Variants in SYNPO2 observed in about 807,000 individuals in gnomAD.
SYNPO2 encodes synaptopodin 2, also known as synaptopodin-2.
SYNPO2 carries 56 observed loss-of-function variants against 85.0 expected under a neutral mutation model. That is an observed-to-expected ratio of 0.66 (90% confidence interval 0.53 to 0.82). SYNPO2 has a LOEUF of 0.82. SYNPO2 is among the 40% of genes least tolerant of loss of function. SYNPO2 has a pLI of 0.00. For synonymous variants in SYNPO2, 602 were observed against 591.1 expected (o/e 1.02, Z -0.27); for missense variants, 1,575 against 1,534.2 (o/e 1.03, Z -0.44).
chr4:118,970,080 T>C (rs1735479566), intron 1 of SYNPO2, among the ~76,000 whole-genome samples: 1 of 152,228 alleles, frequency 6.6e-6, no homozygotes, highest in Non-Finnish European at 1.5e-5. Flanking sequence ...ATAATCGACA[T>C]ATATGAGCCT....
At chr4:119,033,228 G>T (rs1738360340) in intron 4 of SYNPO2, 1 of 985,294 alleles carries the variant, frequency 1.0e-6, no homozygotes, top group Admixed American at 6.1e-5. Context: ...CATCATTTCT[G>T]AGTGATCTCA....
chr4:119,000,363 C>T (rs1490056600), intron 1 of SYNPO2, among the ~76,000 whole-genome samples: 1 of 152,118 alleles, frequency 6.6e-6, no homozygotes, highest in Non-Finnish European at 1.5e-5. Flanking sequence ...TCTTTCTTTG[C>T]TTTTAATGTG....
chr4:118,966,041 T>C (rs1735305832), intron 1 of SYNPO2, among the ~76,000 whole-genome samples: 1 of 152,014 alleles, frequency 6.6e-6, no homozygotes, highest in South Asian at 2.1e-4. Context: ...GGTGACACGG[T>C]GAGACCCTGT....
chr4:118,913,564 TG>T (rs1733210844), intron 1 of SYNPO2, among the ~76,000 whole-genome samples: 1 of 16,932 alleles, frequency 5.9e-5, no homozygotes, highest in South Asian at 1.5e-3. Flanking sequence ...ATTTATTGTT[TG>T]TGTGTGTGTG....
At chr4:119,032,228 A>G in intron 4 of SYNPO2, 2 of 1,432,506 alleles carry the variant, frequency 1.4e-6, no homozygotes, top group Non-Finnish European at 1.8e-6. Flanking sequence ...AATCCAACTC[A>G]GATTGACCTA....
At chr4:119,019,912 G>T (rs1181753163) in intron 1 of SYNPO2, among the ~76,000 whole-genome samples, 1 of 152,130 alleles carries the variant, frequency 6.6e-6, no homozygotes. Context: ...GGTATCATCA[G>T]TACTAATAAT....
chr4:118,972,018 T>C (rs1401861949), intron 1 of SYNPO2, among the ~76,000 whole-genome samples: 1 of 152,260 alleles, frequency 6.6e-6, no homozygotes, highest in African/African-American at 2.4e-5. Flanking sequence ...AACAGCTTCG[T>C]AGGCTTACAT....
intron 1 of SYNPO2, among the ~76,000 whole-genome samples, chr4:118,990,877 T>C (rs1380651259): frequency 6.6e-6 from 1 of 152,126 alleles, no homozygotes; most frequent in East Asian, 1.9e-4. Context: ...CCCAAAGTGC[T>C]GGGATTACAG....
chr4:119,041,824 C>G (rs1738723987), intron 4 of SYNPO2, among the ~76,000 whole-genome samples: 1 of 152,084 alleles, frequency 6.6e-6, no homozygotes, highest in Admixed American at 6.5e-5. Context: ...AAGATTTCCC[C>G]ACCTTAGAGA....
At chr4:118,888,569 T>G (rs1198132445), upstream of SYNPO2, among the ~76,000 whole-genome samples, 2 of 152,222 alleles carry the variant, frequency 1.3e-5, no homozygotes, top group East Asian at 1.9e-4. Flanking sequence ...GCGTGGAGAT[T>G]AAACCTTCAT....
At chr4:119,002,698 T>C (rs1489991428) in intron 1 of SYNPO2, among the ~76,000 whole-genome samples, 1 of 152,180 alleles carries the variant, frequency 6.6e-6, no homozygotes, top group African/African-American at 2.4e-5. Flanking sequence ...TTGGATTCCC[T>C]ATTTCTTTGG....
Position 118,888,991 on chromosome 4 carries a change from C to T in SYNPO2, c.-46C>T, listed in dbSNP as rs187570451. The T allele has an allele frequency of 5.7e-5, 91 of 1,596,612 alleles. No homozygotes were observed. In the African/African-American group the frequency reaches 1.1e-3, roughly 19 times the overall value. On this transcript the variant is annotated 5_prime_UTR_variant, in exon 1 of 5. Coordinates refer to ENST00000307142, the MANE Select transcript of SYNPO2 (RefSeq NM_133477.3). ...CGCATCCTCTACCGCACCCAAGCTT[C>T]GTCTGTCTCGTCAAGCTCTTCATGC...
intron 4 of SYNPO2, among the ~76,000 whole-genome samples, chr4:119,045,552 T>A (rs181888558): frequency 6.6e-6 from 1 of 152,244 alleles, no homozygotes; most frequent in African/African-American, 2.4e-5. Flanking sequence ...TGTTTCTCCA[T>A]AGAAACTGAC....
chr4:118,975,665 C>G (rs1330736905), intron 1 of SYNPO2, among the ~76,000 whole-genome samples: 1 of 152,176 alleles, frequency 6.6e-6, no homozygotes, highest in Non-Finnish European at 1.5e-5. Flanking sequence ...GTAAGACACA[C>G]AGGGATATAG....
chr4:118,890,022 G>T (rs373753879), intron 1 of SYNPO2, among the ~76,000 whole-genome samples: 14 of 152,078 alleles, frequency 9.2e-5, no homozygotes, highest in Admixed American at 4.6e-4. Flanking sequence ...AAGAGCATGG[G>T]ATTAATTTCC....
intron 1 of SYNPO2, among the ~76,000 whole-genome samples, chr4:119,016,220 G>A (rs962901113): frequency 6.6e-6 from 1 of 151,990 alleles, no homozygotes; most frequent in Non-Finnish European, 1.5e-5. Flanking sequence ...TCAGGAGTTC[G>A]AGACCAGCCT....
rs762658094 is a variant in SYNPO2 at position 119,031,324 on chromosome 4, C to T, written c.2549C>T (p.Thr850Ile). 7 of 1,614,102 alleles carry T rather than the reference C, an allele frequency of 4.3e-6. No individual in the cohort carries two copies. The South Asian group carries it at 6.6e-5, about 15-fold the overall frequency. Residue 850 changes from threonine (T) to isoleucine (I), a missense_variant, in exon 4 of 5, where the codon ACA becomes ATA. Thr to Ile is a moderately conservative substitution (Grantham distance 89). Coordinates refer to ENST00000307142, the MANE Select transcript of SYNPO2 (RefSeq NM_133477.3). ...YTPKPTVSTP[T>I]VNAVQPGAVG... ...CCCAAACCAACAGTTTCCACACCAACAGTCAATGCTGTTCAGCCTGGTGCA... is the reference window on the plus strand; with the variant it reads ...CCCAAACCAACAGTTTCCACACCAATAGTCAATGCTGTTCAGCCTGGTGCA...
intron 1 of SYNPO2, among the ~76,000 whole-genome samples, chr4:118,906,525 A>T (rs1400903989): frequency 6.6e-6 from 1 of 152,204 alleles, no homozygotes; most frequent in Non-Finnish European, 1.5e-5. Flanking sequence ...GAGCTATTTT[A>T]AATCAAGACA....
In SYNPO2 at chr4:119,058,054, T is replaced by A. The variant is rs189448515; in HGVS notation, c.*120T>A. 12 of 1,089,096 alleles carry A rather than the reference T, an allele frequency of 1.1e-5. No homozygotes were observed. In the African/African-American group the frequency reaches 1.8e-4, roughly 16 times the overall value. The allele number at this position is 1,089,096 out of a possible 1,614,324, so 67.5% of individuals were successfully genotyped here. ...TTTGGTCTTGGCTTGTTCTCATAAG[T>A]CATTTATCTAAGTTTGTGTTTCTGT... On this transcript the variant is annotated 3_prime_UTR_variant, in exon 5 of 5. Transcript: ENST00000307142.
Sources: gnomAD v4.1 joint callset for allele counts (sites outside exome capture counted in the v4.1 genomes callset) on GRCh38, gnomAD v4.1.1 for gene constraint, MANE v1.5 for transcripts, NCBI Gene and HGNC (gene_info 2026-07-23, HGNC 2026-07-21) for gene names.